The following KIN variants were observed in gnomAD, a reference collection of about 807,000 sequenced individuals.
The protein encoded by KIN is DNA/RNA-binding protein KIN17.
A neutral mutation model predicts 63.0 loss-of-function variants in KIN; 47 were observed. That is an observed-to-expected ratio of 0.75 (90% CI 0.59 to 0.95). KIN has a LOEUF of 0.95. Ranked by LOEUF, KIN falls within the 40% of genes least tolerant of loss-of-function variation. The pLI is 0.00. For missense variants in KIN, 408 were observed against 460.9 expected, an observed-to-expected ratio of 0.89 and a Z score of 1.05; for synonymous variants, 160 against 157.7, an observed-to-expected ratio of 1.01 and a Z score of -0.11.
In KIN at chr10:7,783,137, C is replaced by T; in HGVS notation, c.153G>A (p.Gln51=). ...TTTCTGAAGCCAGCAATAGTTGTCT[C>T]TGATGAGATTCGGACATACAATGAC... ...FKCHCMSESH[Q]RQLLLASENP... Residue 51 remains glutamine (Q), a synonymous_variant, in exon 2 of 13, where the codon CAG becomes CAA. Transcript: ENST00000379562. 6.2e-7 allele frequency: 1 copy of T among 1,601,502 alleles called. No individual in the cohort carries two copies. Among genetic ancestry groups the T allele is most frequent in the East Asian group, 2.3e-5 (1 of 44,356 alleles).
chr10:7,764,087 G>A (rs1017061676), intron 9 of KIN, among the ~76,000 whole-genome samples: 7 of 152,108 alleles, frequency 4.6e-5, no homozygotes, highest in Non-Finnish European at 7.3e-5. Flanking sequence ...GACTGTTATC[G>A]GTAAAATTCA....
chr10:7,763,376 T>C (rs1171426793), intron 10 of KIN, among the ~76,000 whole-genome samples: 4 of 152,188 alleles, frequency 2.6e-5, no homozygotes, highest in South Asian at 2.1e-4. Flanking sequence ...ATAAAAGTAA[T>C]TGCAGTTTTT....
At chr10:7,766,603 G>C (rs1417088763) in intron 8 of KIN, among the ~76,000 whole-genome samples, 1 of 151,978 alleles carries the variant, frequency 6.6e-6, no homozygotes, top group Admixed American at 6.6e-5. Context: ...AGTGACCAAA[G>C]AAAAGAGAGC....
At chr10:7,774,298 C>T (rs1371601282) in intron 7 of KIN, among the ~76,000 whole-genome samples, 4 of 152,134 alleles carry the variant, frequency 2.6e-5, no homozygotes, top group African/African-American at 9.7e-5. Flanking sequence ...AATCTCTATT[C>T]TCAGAAAACT....
intron 5 of KIN, among the ~76,000 whole-genome samples, chr10:7,776,880 G>GC (rs557004136): frequency 7.0e-4 from 105 of 150,308 alleles, no homozygotes; most frequent in African/African-American, 2.3e-3. Context: ...CATTGCAAGA[G>GC]CCCCCCATCT....
intron 1 of KIN, 130 bp from the exon 2 acceptor site, chr10:7,783,305 G>A (rs991767066): frequency 4.5e-6 from 2 of 441,112 alleles, no homozygotes; most frequent in African/African-American, 2.0e-5. Context: ...ATCATTAGCT[G>A]TAACTACTCT....
chr10:7,757,621 G>A lies in KIN; in HGVS notation c.1120-1479C>T, dbSNP rs1414429574. Among the ~76,000 whole-genome samples, 4 of 152,056 alleles carry A rather than the reference G, an allele frequency of 2.6e-5. No homozygotes were observed. The South Asian group carries it at 6.2e-4, about 24-fold the overall frequency. On this transcript the variant is annotated intron_variant, in intron 12 of 12. Coordinates refer to ENST00000379562, the MANE Select transcript of KIN (RefSeq NM_012311.4). ...TGACAATAATGATGATGACAATGAT[G>A]ATGACTCTAACCCTAGAACTGAGAT... is the stretch of plus-strand genomic sequence containing the variant.
At chr10:7,778,722 G>T in intron 5 of KIN, 116 bp downstream of exon 5, 2 of 1,093,508 alleles carry the variant, frequency 1.8e-6, no homozygotes, top group South Asian at 1.5e-5. Context: ...CTGGGCGGCA[G>T]AGCAAGACTC....
Position 7,769,211 on chromosome 10 carries a change from T to A in KIN, c.798+5A>T, listed in dbSNP as rs200164266. 15 of 1,608,288 alleles carry A rather than the reference T, an allele frequency of 9.3e-6. No homozygotes were observed. Among genetic ancestry groups the A allele is most frequent in the Non-Finnish European group, 1.3e-5 (15 of 1,178,318 alleles). ...AGGTGTCCACACGCAATCCATAAAC[T>A]GTACCTCCATGATTTCATCCAGTGC... On this transcript the variant is annotated splice_donor_5th_base_variant and intron_variant, in intron 8 of 12. Coordinates refer to ENST00000379562, the MANE Select transcript of KIN (RefSeq NM_012311.4).
chr10:7,778,785 G>A, intron 5 of KIN, 53 bp downstream of exon 5: 1 of 1,533,964 alleles, frequency 6.5e-7, no homozygotes, highest in Non-Finnish European at 8.9e-7. Flanking sequence ...CCAAGCCATT[G>A]TGCTTCTTTA....
chr10:7,766,094 C>T lies in KIN; in HGVS notation c.808G>A (p.Glu270Lys). 6.2e-7 allele frequency: 1 copy of T among 1,608,240 alleles called. No homozygotes were observed. Among genetic ancestry groups the T allele is most frequent in the Non-Finnish European group, 8.5e-7 (1 of 1,175,960 alleles). ...ALDEIMEIEE[E>K]KKRTARTDYW... is the part of the protein sequence containing the mutation. ...TCTGTTCGGGCAGTTCTTTTCTTTTCCTCTTCAATCTGTAGAACACATAAT... is the reference window on the plus strand; with the variant it reads ...TCTGTTCGGGCAGTTCTTTTCTTTTTCTCTTCAATCTGTAGAACACATAAT... The change falls in exon 9 of 13, where the codon GAA becomes AAA. Residue 270 changes from glutamate (E) to lysine (K), a missense_variant. By Grantham distance (56) the Glu-to-Lys change is moderately conservative. Around this residue, in one of 2 missense-constraint regions of KIN, gnomAD observed 298 missense variants for 296.0 expected, o/e 1.01. Coordinates refer to ENST00000379562, the MANE Select transcript of KIN (RefSeq NM_012311.4).
chr10:7,770,194 G>A (rs1489441447), intron 7 of KIN, among the ~76,000 whole-genome samples: 1 of 152,180 alleles, frequency 6.6e-6, no homozygotes, highest in African/African-American at 2.4e-5. Context: ...GCCTCCCAAA[G>A]TGCTGGGATT....
Position 7,754,262 on chromosome 10 carries a change from G to C in KIN, c.*1818C>G. 2.8e-6 allele frequency: 1 copy of C among 359,022 alleles called. No homozygotes were observed. Among genetic ancestry groups the C allele is most frequent in the South Asian group, 2.1e-5 (1 of 48,104 alleles). The allele number at this position is 359,022 out of a possible 1,614,324, so 22.2% of individuals were successfully genotyped here. On this transcript the variant is annotated 3_prime_UTR_variant, in exon 13 of 13. Transcript: ENST00000379562. Reference sequence around the variant, plus strand: ...GGGAGAATCAATGACCTAAGCCCAGGAGGACGAGGCTGCAGTGAGCCATGA... The same window carrying C: ...GGGAGAATCAATGACCTAAGCCCAGCAGGACGAGGCTGCAGTGAGCCATGA...
chr10:7,756,364 T>C (rs1453234125), intron 12 of KIN, among the ~76,000 whole-genome samples: 1 of 152,224 alleles, frequency 6.6e-6, no homozygotes, highest in Non-Finnish European at 1.5e-5. Context: ...ACGTTATCAA[T>C]AGACATTGTG....
chr10:7,768,925 G>A (rs955694548), intron 8 of KIN, among the ~76,000 whole-genome samples: 23 of 152,114 alleles, frequency 1.5e-4, no homozygotes, highest in Admixed American at 1.4e-3. Flanking sequence ...GCTGAGCCAG[G>A]AGAATCATTT....
Position 7,753,000 on chromosome 10 carries a change from T to A in KIN, c.*3080A>T, listed in dbSNP as rs1265156916. ...GTGTGATACTACAGTGGCAGATGCA[T>A]GTCATTATACATTTGTCAAAACCCA... On this transcript the variant is annotated 3_prime_UTR_variant, in exon 13 of 13. Transcript: ENST00000379562. 1 of 152,200 alleles carries A rather than the reference T, an allele frequency of 6.6e-6. No homozygotes were observed. The highest frequency in any genetic ancestry group is 1.5e-5 in the Non-Finnish European group (1 of 68,036). The allele number at this position is 152,200 out of a possible 1,614,324, so 9.4% of individuals were successfully genotyped here.
chr10:7,754,298 G>T lies in KIN; in HGVS notation c.*1782C>A. 3.0e-6 allele frequency: 1 copy of T among 336,842 alleles called. No individual in the cohort carries two copies. Among genetic ancestry groups the T allele is most frequent in the Non-Finnish European group, 5.9e-6 (1 of 169,580 alleles). The allele number at this position is 336,842 out of a possible 1,614,324, so 20.9% of individuals were successfully genotyped here. ...TGCAGTGAGCCATGATTGTGCCACT[G>T]CACTCCAGGCTGGATGACAGAGCAA... is the stretch of plus-strand genomic sequence containing the variant. On this transcript the variant is annotated 3_prime_UTR_variant, in exon 13 of 13. Transcript: ENST00000379562.
At chr10:7,782,401 A>T (rs974374649) in intron 2 of KIN, among the ~76,000 whole-genome samples, 72 of 141,808 alleles carry the variant, frequency 5.1e-4, no homozygotes, top group African/African-American at 1.5e-3. Context: ...TTTTAGTGCC[A>T]TTTTTTTTTT....
At chr10:7,771,752 G>C (rs566437188) in intron 7 of KIN, among the ~76,000 whole-genome samples, 1 of 152,012 alleles carries the variant, frequency 6.6e-6, no homozygotes, top group South Asian at 2.1e-4. Context: ...AAAATTAGCC[G>C]AGCATGGTGG....
Sources: gnomAD v4.1 joint callset for allele counts (sites outside exome capture counted in the v4.1 genomes callset) on GRCh38, gnomAD v4.1.1 for gene constraint, gnomAD v4.1.1 regional missense constraint, MANE v1.5 for transcripts, NCBI Gene and HGNC (gene_info 2026-07-23, HGNC 2026-07-21) for gene names.